CHD9NB: variants seen among roughly 807,000 people sequenced by gnomAD.
The protein encoded by CHD9NB is CHD9 neighbor.
chr16:53,046,132 G>A, the CHD9NB span, among the ~76,000 whole-genome samples: 6 of 152,164 alleles, frequency 3.9e-5, no homozygotes, highest in African/African-American at 1.4e-4. Flanking sequence ...GTGGAAGAGG[G>A]AGGTTTCATT....
chr16:53,040,724 T>A, the CHD9NB span, among the ~76,000 whole-genome samples: 2 of 152,090 alleles, frequency 1.3e-5, no homozygotes, highest in South Asian at 4.1e-4. Flanking sequence ...GAATGATGAG[T>A]GATAGAGTAG....
chr16:53,047,871 A>C, the CHD9NB span, among the ~76,000 whole-genome samples: 1 of 151,700 alleles, frequency 6.6e-6, no homozygotes, highest in Non-Finnish European at 1.5e-5. Flanking sequence ...GGTGGTGTGC[A>C]CCTGTAGTCC....
At chr16:53,042,916 G>T in the CHD9NB span, 1 of 152,304 alleles carries the variant, frequency 6.6e-6, no homozygotes, top group East Asian at 1.9e-4. Flanking sequence ...CTATAAAATG[G>T]GAGTAGTTGG....
the CHD9NB span, among the ~76,000 whole-genome samples, chr16:53,040,565 G>A: frequency 4.6e-5 from 7 of 152,184 alleles, no homozygotes; most frequent in Admixed American, 6.5e-5. Flanking sequence ...GGGTCTCATC[G>A]AGACTGGAAA....
chr16:53,048,580 T>A, the CHD9NB span, among the ~76,000 whole-genome samples: 5 of 152,180 alleles, frequency 3.3e-5, no homozygotes, highest in Non-Finnish European at 7.3e-5. Flanking sequence ...ACTTACTCAT[T>A]CAAACAAACA....
the CHD9NB span, among the ~76,000 whole-genome samples, chr16:53,039,104 C>G: frequency 1.3e-5 from 2 of 152,236 alleles, no homozygotes; most frequent in Non-Finnish European, 2.9e-5. Flanking sequence ...AAACAGTTAC[C>G]AGGGTGCTCT....
At chr16:53,040,090 G>C in the CHD9NB span, among the ~76,000 whole-genome samples, 1 of 151,734 alleles carries the variant, frequency 6.6e-6, no homozygotes, top group Non-Finnish European at 1.5e-5. Flanking sequence ...TTTTGGTACG[G>C]AGTCTCACTC....
the CHD9NB span, among the ~76,000 whole-genome samples, chr16:53,037,471 G>T: frequency 6.6e-6 from 1 of 152,178 alleles, no homozygotes; most frequent in African/African-American, 2.4e-5. Context: ...CAAAGGAAAA[G>T]TTTGTATTAT....
At chr16:53,052,230 A>T in the CHD9NB span, among the ~76,000 whole-genome samples, 5 of 72,230 alleles carry the variant, frequency 6.9e-5, no homozygotes, top group Non-Finnish European at 1.3e-4. Flanking sequence ...CCCATCTCTT[A>T]AAAAAAAAAG....
At chr16:53,052,357 A>G in the CHD9NB span, among the ~76,000 whole-genome samples, 1 of 152,232 alleles carries the variant, frequency 6.6e-6, no homozygotes, top group South Asian at 2.1e-4. Flanking sequence ...ATGAACAATG[A>G]TCACCTGGAT....
At chr16:53,039,574 G>C in the CHD9NB span, among the ~76,000 whole-genome samples, 2 of 152,008 alleles carry the variant, frequency 1.3e-5, no homozygotes, top group Non-Finnish European at 2.9e-5. Context: ...GCAAAACCCC[G>C]TCTCTACTAA....
chr16:53,048,458 C>G, the CHD9NB span, among the ~76,000 whole-genome samples: 13 of 152,136 alleles, frequency 8.5e-5, no homozygotes, highest in Non-Finnish European at 1.9e-4. Flanking sequence ...TTTTAAAGAT[C>G]AAACAACAAA....
the CHD9NB span, chr16:53,043,973 G>C: frequency 2.5e-6 from 1 of 398,666 alleles, no homozygotes; most frequent in South Asian, 1.3e-4. Flanking sequence ...GGAAGGAGGT[G>C]AGGGTCCGAC....
At chr16:53,036,044 T>A in the CHD9NB span, 1 of 151,912 alleles carries the variant, frequency 6.6e-6, no homozygotes, top group Non-Finnish European at 1.5e-5. Flanking sequence ...CTTGGCTACA[T>A]CTTCAAACCC....
chr16:53,045,344 C>T, the CHD9NB span, among the ~76,000 whole-genome samples: 1 of 152,166 alleles, frequency 6.6e-6, no homozygotes, highest in South Asian at 2.1e-4. Context: ...ACTTTGTAGG[C>T]TGTTATTGTG....
chr16:53,043,268 CTT>C, the CHD9NB span: 2 of 152,136 alleles, frequency 1.3e-5, no homozygotes, highest in Admixed American at 6.5e-5. Context: ...AATGGACAGA[CTT>C]TGGCTAGGAA....
the CHD9NB span, among the ~76,000 whole-genome samples, chr16:53,039,756 T>C: frequency 6.7e-6 from 1 of 150,122 alleles, no homozygotes; most frequent in Non-Finnish European, 1.5e-5. Context: ...AAAAAAAAAG[T>C]TCAAAGAAGA....
chr16:53,035,939 T>G, the CHD9NB span: 1 of 151,406 alleles, frequency 6.6e-6, no homozygotes, highest in Admixed American at 6.6e-5. Context: ...CACTCCAGCC[T>G]GTGTGACAGA....
chr16:53,051,646 C>T, the CHD9NB span, among the ~76,000 whole-genome samples: 1 of 150,526 alleles, frequency 6.6e-6, no homozygotes, highest in Non-Finnish European at 1.5e-5. Context: ...GGAGGGATAG[C>T]ATTAGGAGAT....
Sources: allele counts gnomAD v4.1 joint callset (sites outside exome capture counted in the v4.1 genomes callset), GRCh38; gene constraint gnomAD v4.1.1; transcripts MANE v1.5; gene names NCBI Gene and HGNC (gene_info 2026-07-23, HGNC 2026-07-21).